The following CD209 variants were observed in gnomAD, a reference collection of about 807,000 sequenced individuals.
The protein encoded by CD209 is CD209 molecule.
In CD209, 31 loss-of-function variants were observed where a neutral mutation model predicts 44.7. That is an observed-to-expected ratio of 0.69 (90% CI 0.52 to 0.94). The LOEUF is 0.94. Ranked by LOEUF, CD209 falls within the 40% of genes least tolerant of loss-of-function variation. The pLI, the probability that CD209 is intolerant of heterozygous loss-of-function variation, is 0.00. For synonymous variants in CD209, 173 were observed against 181.3 expected (o/e 0.95, Z 0.37); for missense variants, 407 against 452.4 (o/e 0.90, Z 0.91).
In CD209 at chr19:7,742,033, G is replaced by T; in HGVS notation, c.*1006C>A. On this transcript the variant is annotated 3_prime_UTR_variant, in exon 7 of 7. Transcript: ENST00000315599. Reference sequence around the variant, plus strand: ...GCGGGGGCCGGTGCAGCCGCAGTGAGAACGGCCGGAGCCGTCACAGCCGGA... The same window carrying T: ...GCGGGGGCCGGTGCAGCCGCAGTGATAACGGCCGGAGCCGTCACAGCCGGA... 1 of 298,418 alleles carries T rather than the reference G, an allele frequency of 3.4e-6. No individual in the cohort carries two copies. The highest frequency in any genetic ancestry group is 3.7e-5 in the South Asian group (1 of 26,896). The allele number at this position is 298,418 out of a possible 1,614,324, so 18.5% of individuals were successfully genotyped here.
intron 4 of CD209, 34 bp from the exon 5 acceptor site, chr19:7,745,126 A>G (rs751263500): frequency 6.2e-7 from 1 of 1,612,954 alleles, no homozygotes; most frequent in South Asian, 1.1e-5. Flanking sequence ...CTGGGCTTAG[A>G]TTAGGTTGTC....
Position 7,740,263 on chromosome 19 carries a change from C to T in CD209, c.*2776G>A, listed in dbSNP as rs952014647. 6 of 420,018 alleles carry T rather than the reference C, an allele frequency of 1.4e-5. No individual in the cohort carries two copies. The highest frequency in any genetic ancestry group is 2.2e-5 in the Non-Finnish European group (5 of 229,258). 26.0% of individuals were successfully genotyped at this position (420,018 alleles called of 1,614,324 possible). A position where few individuals can be genotyped will look rare whatever the true frequency, so the allele number is the denominator to read the frequency against. On this transcript the variant is annotated 3_prime_UTR_variant, in exon 7 of 7. Coordinates refer to ENST00000315599, the MANE Select transcript of CD209 (RefSeq NM_021155.4). Reference sequence around the variant, plus strand: ...CCTCGGTCTGAGCACTTAGGTTCCACGTGGATTTGCACGCTTCGTTCATCT... The same window carrying T: ...CCTCGGTCTGAGCACTTAGGTTCCATGTGGATTTGCACGCTTCGTTCATCT...
In CD209 at chr19:7,743,184, G is replaced by C; in HGVS notation, c.1070C>G (p.Ala357Gly). 1 of 1,614,098 alleles carries C rather than the reference G, an allele frequency of 6.2e-7. No homozygotes were observed. The highest frequency in any genetic ancestry group is 8.5e-7 in the Non-Finnish European group (1 of 1,179,992). The change falls in exon 7 of 7, where the codon GCG becomes GGG. Residue 357 changes from alanine to glycine, a missense_variant. This residue lies in a region of CD209 where 200 missense variants were observed against 202.2 expected (regional missense o/e 0.99). Transcript: ENST00000315599. ...GTTCCAGCCATTGCCACTAAATTCCGCGCAGTCTTCCTCCCCAACGTTGTT... is the reference window on the plus strand; with the variant it reads ...GTTCCAGCCATTGCCACTAAATTCCCCGCAGTCTTCCTCCCCAACGTTGTT... ...EPNNVGEEDC[A>G]EFSGNGWNDD... is the part of the protein sequence containing the mutation.
rs111291868 is a variant in CD209, at chr19:7,745,033, T to G, written c.808A>C (p.Met270Leu). The G allele has an allele frequency of 6.2e-6, 10 of 1,614,178 alleles. No homozygotes were observed. Among genetic ancestry groups the G allele is most frequent in the African/African-American group, 2.7e-5 (2 of 75,032 alleles). Residue 270 changes from methionine (M) to leucine (L), a missense_variant, in exon 5 of 7, where the codon ATG becomes CTG. Transcript: ENST00000315599. ...WTFFQGNCYF[M>L]SNSQRNWHDS... ...TGCCAGTTCCGCTGGGAGTTAGACA[T>G]GAAGTAACAGTTTCCTTGGAAGAAT...
chr19:7,745,391 T>A (rs890374610), intron 4 of CD209, 127 bp downstream of exon 4: 2 of 1,547,184 alleles, frequency 1.3e-6, no homozygotes, highest in Admixed American at 3.6e-5. Flanking sequence ...AGGGCAATGA[T>A]CACAGTTACC....
At position 7,740,227 on chromosome 19, in the gene CD209, C is replaced by A; in HGVS notation, c.*2812G>T. ...GCCACGTGGTGTCCACTTCTTAACT[C>A]AGTCCCTGTTCCTCGGTCTGAGCAC... On this transcript the variant is annotated 3_prime_UTR_variant, in exon 7 of 7. Transcript: ENST00000315599. The A allele has an allele frequency of 2.7e-6, 1 of 375,592 alleles. No homozygotes were observed. Among genetic ancestry groups the A allele is most frequent in the Non-Finnish European group, 4.9e-6 (1 of 203,614 alleles). 23.3% of individuals were successfully genotyped at this position (375,592 alleles called of 1,614,324 possible). A position where few individuals can be genotyped will look rare whatever the true frequency, so the allele number is the denominator to read the frequency against.
chr19:7,741,423 C>G lies in CD209; in HGVS notation c.*1616G>C. 1 of 380,212 alleles carries G rather than the reference C, an allele frequency of 2.6e-6. No individual in the cohort carries two copies. Among genetic ancestry groups the G allele is most frequent in the Non-Finnish European group, 5.0e-6 (1 of 200,694 alleles). The allele number at this position is 380,212 out of a possible 1,614,324, so 23.6% of individuals were successfully genotyped here. A position where few individuals can be genotyped will look rare whatever the true frequency, so the allele number is the denominator to read the frequency against. On this transcript the variant is annotated 3_prime_UTR_variant, in exon 7 of 7. Transcript: ENST00000315599. ...AGGAGAATCGCTTGAACCCGGGAGG[C>G]GGAAGTTGCAGTGAGCCTAGATCGC...
chr19:7,746,877 A>G (rs2033852470), intron 2 of CD209, among the ~76,000 whole-genome samples: 1 of 147,708 alleles, frequency 6.8e-6, no homozygotes, highest in South Asian at 2.2e-4. Flanking sequence ...CCCCTTCCCC[A>G]GGTCCCAGTA....
intron 1 of CD209, 25 bp from the exon 2 acceptor site, chr19:7,747,390 A>G: frequency 6.2e-7 from 1 of 1,614,236 alleles, no homozygotes; most frequent in Non-Finnish European, 8.5e-7. Flanking sequence ...GTGAAATCAG[A>G]GCCTGGGCAG....
Position 7,745,573 on chromosome 19 carries a change from C to T in CD209, c.693G>A (p.Glu231=). ...GGTAGATCTCCTGCTGCTTAGATTT[C>T]TCTGGAAGCTCACCCACTGCAGCCT... ...RLKAAVGELP[E]KSKQQEIYQE... The change falls in exon 4 of 7, where the codon GAG becomes GAA. Residue 231 remains glutamate (E), a synonymous_variant. Transcript: ENST00000315599. 6.2e-7 allele frequency: 1 copy of T among 1,607,758 alleles called. No homozygotes were observed. The highest frequency in any genetic ancestry group is 8.5e-7 in the Non-Finnish European group (1 of 1,179,172).
In CD209 at chr19:7,744,165, A is replaced by C. The variant is rs750681138; in HGVS notation, c.955T>G (p.Ser319Ala). 6.2e-7 allele frequency: 1 copy of C among 1,614,206 alleles called. No individual in the cohort carries two copies. The highest frequency in any genetic ancestry group is 2.2e-5 in the East Asian group (1 of 44,880). The change falls in exon 6 of 7, where the codon TCA becomes GCA. Residue 319 changes from serine to alanine, a missense_variant. By Grantham distance (99) the Ser-to-Ala change is moderately conservative. Transcript: ENST00000315599. ...CACGTGCCTTCCTGATTTAGATCTGAAAGTCCCATCCAGGTGAAGCGGTTA... is the reference window on the plus strand; with the variant it reads ...CACGTGCCTTCCTGATTTAGATCTGCAAGTCCCATCCAGGTGAAGCGGTTA... ...RSNRFTWMGL[S>A]DLNQEGTWQW...
chr19:7,741,112 T>A lies in CD209; in HGVS notation c.*1927A>T, dbSNP rs2033596162. The A allele has an allele frequency of 9.6e-7, 1 of 1,039,436 alleles. No individual in the cohort carries two copies. The highest frequency in any genetic ancestry group is 1.4e-6 in the Non-Finnish European group (1 of 691,332). The allele number at this position is 1,039,436 out of a possible 1,614,324, so 64.4% of individuals were successfully genotyped here. On this transcript the variant is annotated 3_prime_UTR_variant, in exon 7 of 7. Coordinates refer to ENST00000315599, the MANE Select transcript of CD209 (RefSeq NM_021155.4). The stretch of plus-strand genomic sequence containing the variant: ...CTATGACTCCGAAGCAAGCCTGGAG[T>A]ACAGCGAGGAAGAAACCTACCAACA...
chr19:7,744,237 A>G lies in CD209; in HGVS notation c.901-18T>C. The G allele has an allele frequency of 6.3e-6, 10 of 1,575,774 alleles. No homozygotes were observed. Among genetic ancestry groups the G allele is most frequent in the Non-Finnish European group, 8.7e-6 (10 of 1,145,626 alleles). ...AGGAAGTTCTGGAGGGTACAGGAGGAGTCAGGAGGGAGCTCTGCTTCCCAT... is the reference window on the plus strand; with the variant it reads ...AGGAAGTTCTGGAGGGTACAGGAGGGGTCAGGAGGGAGCTCTGCTTCCCAT... On this transcript the variant is annotated intron_variant, in intron 5 of 6. Coordinates refer to ENST00000315599, the MANE Select transcript of CD209 (RefSeq NM_021155.4).
At position 7,742,666 on chromosome 19, in the gene CD209, T is replaced by A. The variant is rs1472107360; in HGVS notation, c.*373A>T. On this transcript the variant is annotated 3_prime_UTR_variant, in exon 7 of 7. Coordinates refer to ENST00000315599, the MANE Select transcript of CD209 (RefSeq NM_021155.4). The stretch of plus-strand genomic sequence containing the variant: ...GCTCTTGCAACCAGTAAGTCCCCGA[T>A]CAAAGGGGTGCAGGAGGTGGTAGGT... The A allele has an allele frequency of 4.4e-6, 1 of 229,554 alleles. No individual in the cohort carries two copies. Among genetic ancestry groups the A allele is most frequent in the Non-Finnish European group, 8.7e-6 (1 of 115,116 alleles). The allele number at this position is 229,554 out of a possible 1,614,324, so 14.2% of individuals were successfully genotyped here.
In CD209 at chr19:7,745,153, C is replaced by T. The variant is rs2033763406; in HGVS notation, c.749-61G>A. On this transcript the variant is annotated intron_variant, in intron 4 of 6. Coordinates refer to ENST00000315599, the MANE Select transcript of CD209 (RefSeq NM_021155.4). ...TAGGTTGTCCATATTCCTGTACCTG[C>T]CCAGCCTTCAAGGTCTTGAGAGTCA... is the stretch of plus-strand genomic sequence containing the variant. 3.1e-6 allele frequency: 5 copies of T among 1,596,218 alleles called. No homozygotes were observed. In the Admixed American group the frequency reaches 6.7e-5, roughly 21 times the overall value.
At position 7,742,885 on chromosome 19, in the gene CD209, C is replaced by G. The variant is rs1441122136; in HGVS notation, c.*154G>C. ...CAAGGATGGGCCAGAAAAACAAGCT[C>G]TACACCAGGGGAAATTGGAGGCATG... On this transcript the variant is annotated 3_prime_UTR_variant, in exon 7 of 7. Coordinates refer to ENST00000315599, the MANE Select transcript of CD209 (RefSeq NM_021155.4). 2.4e-5 allele frequency: 16 copies of G among 670,052 alleles called. No individual in the cohort carries two copies. The Admixed American group carries it at 4.1e-4, about 17-fold the overall frequency. 41.5% of individuals were successfully genotyped at this position (670,052 alleles called of 1,614,324 possible).
chr19:7,740,507 G>C lies in CD209; in HGVS notation c.*2532C>G. 1 of 1,152,968 alleles carries C rather than the reference G, an allele frequency of 8.7e-7. No individual in the cohort carries two copies. Among genetic ancestry groups the C allele is most frequent in the Non-Finnish European group, 1.3e-6 (1 of 762,818 alleles). 71.4% of individuals were successfully genotyped at this position (1,152,968 alleles called of 1,614,324 possible). A position where few individuals can be genotyped will look rare whatever the true frequency, so the allele number is the denominator to read the frequency against. On this transcript the variant is annotated 3_prime_UTR_variant, in exon 7 of 7. Coordinates refer to ENST00000315599, the MANE Select transcript of CD209 (RefSeq NM_021155.4). The stretch of plus-strand genomic sequence containing the variant: ...TTCCAGAGAAACCAAGCCACAAAAA[G>C]TACAGGGCCGCCCTGAAGAAGGAGA...
At chr19:7,746,419 C>T in intron 3 of CD209, 41 bp downstream of exon 3, 7 of 1,602,064 alleles carry the variant, frequency 4.4e-6, no homozygotes, top group Non-Finnish European at 6.0e-6. Flanking sequence ...CAGCCAAAAG[C>T]CAGGCGTGGG....
intron 3 of CD209, 105 bp from the exon 4 acceptor site, chr19:7,746,192 T>C (rs1169085542): frequency 9.4e-6 from 14 of 1,496,478 alleles, no homozygotes; most frequent in Non-Finnish European, 4.5e-6. Context: ...AAGGTCTTGG[T>C]TAATCCCCTT....
Sources: gnomAD v4.1 joint callset for allele counts (sites outside exome capture counted in the v4.1 genomes callset) on GRCh38, gnomAD v4.1.1 for gene constraint, gnomAD v4.1.1 regional missense constraint, MANE v1.5 for transcripts, NCBI Gene and HGNC (gene_info 2026-07-23, HGNC 2026-07-21) for gene names.